Variants in C8orf34 observed in about 807,000 individuals in gnomAD.
C8orf34 encodes chromosome 8 open reading frame 34, also known as uncharacterized protein C8orf34.
In C8orf34, 65 loss-of-function variants were observed where a neutral mutation model predicts 68.3. That is an observed-to-expected ratio of 0.95 (90% CI 0.78 to 1.17). C8orf34 has a LOEUF of 1.17. Ranked by LOEUF, C8orf34 falls within the 50% of genes most tolerant of loss-of-function variation. C8orf34 has a pLI of 0.00. For synonymous variants in C8orf34, 244 were observed against 241.2 expected, an observed-to-expected ratio of 1.01 and a Z score of -0.11; for missense variants, 664 against 655.4, an observed-to-expected ratio of 1.01 and a Z score of -0.14.
chr8:68,774,890 T>A (rs1474370150), intron 10 of C8orf34, among the ~76,000 whole-genome samples: 1 of 144,056 alleles, frequency 6.9e-6, no homozygotes, highest in Non-Finnish European at 1.5e-5. Flanking sequence ...GCAGATTACC[T>A]GAAGTCAGGA....
chr8:68,514,967 G>C (rs1044414883), intron 5 of C8orf34, among the ~76,000 whole-genome samples: 1 of 152,074 alleles, frequency 6.6e-6, no homozygotes, highest in Non-Finnish European at 1.5e-5. Flanking sequence ...AAATGAACAG[G>C]GGGGAATGGA....
intron 5 of C8orf34, among the ~76,000 whole-genome samples, chr8:68,492,445 T>G (rs1813355215): frequency 6.6e-6 from 1 of 152,028 alleles, no homozygotes; most frequent in African/African-American, 2.4e-5. Context: ...CTCAAGCTTG[T>G]CTCAAACTCC....
intron 8 of C8orf34, among the ~76,000 whole-genome samples, chr8:68,695,079 A>G (rs1820788242): frequency 6.6e-6 from 1 of 152,054 alleles, no homozygotes. Context: ...CTTAATATCT[A>G]GAAAATATAT....
At chr8:68,816,468 G>A (rs1159959860) in intron 13 of C8orf34, among the ~76,000 whole-genome samples, 1 of 152,084 alleles carries the variant, frequency 6.6e-6, no homozygotes, top group African/African-American at 2.4e-5. Flanking sequence ...GAAAAGCAAA[G>A]GTGTTGAGAT....
At chr8:68,523,491 G>A (rs1814845148) in intron 6 of C8orf34, among the ~76,000 whole-genome samples, 1 of 151,988 alleles carries the variant, frequency 6.6e-6, no homozygotes, top group Non-Finnish European at 1.5e-5. Context: ...TCTCTTAAAT[G>A]TTTGTCTTAA....
At chr8:68,703,472 C>T (rs544503692) in intron 8 of C8orf34, among the ~76,000 whole-genome samples, 3 of 152,154 alleles carry the variant, frequency 2.0e-5, no homozygotes, top group Admixed American at 6.6e-5. Context: ...TCCCATGCTT[C>T]AAGGTGGGAC....
chr8:68,583,370 C>G (rs1270650835), intron 7 of C8orf34, among the ~76,000 whole-genome samples: 1 of 152,160 alleles, frequency 6.6e-6, no homozygotes, highest in Non-Finnish European at 1.5e-5. Context: ...AATATCTCCA[C>G]TTATACTGAA....
At chr8:68,400,459 A>G (rs1029540261) in intron 1 of C8orf34, among the ~76,000 whole-genome samples, 3 of 152,016 alleles carry the variant, frequency 2.0e-5, no homozygotes, top group Admixed American at 6.6e-5. Flanking sequence ...TCCTTTCCCT[A>G]GTGTATGTTC....
intron 10 of C8orf34, among the ~76,000 whole-genome samples, chr8:68,769,282 A>T (rs1030228345): frequency 6.6e-6 from 1 of 151,816 alleles, no homozygotes; most frequent in African/African-American, 2.4e-5. Flanking sequence ...TTTTTTCTAA[A>T]GAAAAATCTC....
intron 3 of C8orf34, among the ~76,000 whole-genome samples, chr8:68,466,761 A>ATG (rs1168924966): frequency 1.6e-5 from 2 of 126,096 alleles, no homozygotes; most frequent in Admixed American, 1.6e-4. Flanking sequence ...ATATATATAT[A>ATG]TATAGATGCT....
chr8:68,582,280 C>T (rs1024047450), intron 7 of C8orf34, among the ~76,000 whole-genome samples: 8 of 152,256 alleles, frequency 5.3e-5, no homozygotes, highest in African/African-American at 9.6e-5. Context: ...GGGAACCCAG[C>T]AAGGCCCATC....
chr8:68,419,496 A>G (rs967904229), intron 1 of C8orf34, among the ~76,000 whole-genome samples: 21 of 151,938 alleles, frequency 1.4e-4, no homozygotes, highest in African/African-American at 4.8e-4. Context: ...CCAAAGGACT[A>G]TAAATCATGC....
chr8:68,442,632 G>A (rs1586150523), intron 2 of C8orf34, among the ~76,000 whole-genome samples: 1 of 152,120 alleles, frequency 6.6e-6, no homozygotes, highest in Admixed American at 6.6e-5. Context: ...CAATATAGAA[G>A]GATACAAGCT....
intron 8 of C8orf34, among the ~76,000 whole-genome samples, chr8:68,682,433 C>T (rs187903865): frequency 1.3e-5 from 2 of 152,164 alleles, no homozygotes; most frequent in Admixed American, 6.5e-5. Flanking sequence ...TGATGAGTCT[C>T]GTAATTTAGT....
intron 8 of C8orf34, among the ~76,000 whole-genome samples, chr8:68,668,946 C>T (rs1055235086): frequency 6.6e-6 from 1 of 152,084 alleles, no homozygotes; most frequent in African/African-American, 2.4e-5. Flanking sequence ...CTTAGAGTCT[C>T]CAGATAAGAC....
chr8:68,622,852 A>G (rs1369225), intron 7 of C8orf34, among the ~76,000 whole-genome samples: 85,691 of 152,074 alleles, frequency 0.56, 24,408 homozygotes, highest in Non-Finnish European at 0.6. Context: ...AAGTTTTGCT[A>G]TGCAAAATTC....
At chr8:68,649,994 C>T (rs141704766) in intron 8 of C8orf34, among the ~76,000 whole-genome samples, 38 of 150,730 alleles carry the variant, frequency 2.5e-4, no homozygotes, top group African/African-American at 8.3e-4. Context: ...AAAAAACTGG[C>T]GATATACATC....
At chr8:68,645,872 A>G (rs1450641168) in intron 8 of C8orf34, among the ~76,000 whole-genome samples, 4 of 152,120 alleles carry the variant, frequency 2.6e-5, no homozygotes, top group Non-Finnish European at 4.4e-5. Context: ...GACTCAGATC[A>G]TGCTACCCTA....
At chr8:68,520,574 C>T (rs1430022780) in intron 5 of C8orf34, among the ~76,000 whole-genome samples, 2 of 152,018 alleles carry the variant, frequency 1.3e-5, no homozygotes, top group African/African-American at 2.4e-5. Context: ...CCTCAGCCTC[C>T]CGAGTAGCTG....
Sources: allele counts gnomAD v4.1 joint callset (sites outside exome capture counted in the v4.1 genomes callset), GRCh38; gene constraint gnomAD v4.1.1; transcripts MANE v1.5; gene names NCBI Gene and HGNC (gene_info 2026-07-23, HGNC 2026-07-21).